Variants in DNAAF11 observed in about 807,000 individuals in gnomAD.
The protein encoded by DNAAF11 is leucine rich repeat containing 6.
Under a neutral mutation model 60.8 loss-of-function variants are expected in DNAAF11, and 45 were observed. The ratio of observed to expected loss-of-function variants is 0.74; its 90% CI spans 0.58 to 0.95. DNAAF11 has a LOEUF of 0.95. Ranked by LOEUF, DNAAF11 falls within the 40% of genes least tolerant of loss-of-function variation. The pLI, the probability that DNAAF11 is intolerant of heterozygous loss-of-function variation, is 0.00. For missense variants in DNAAF11, 546 were observed against 546.2 expected (o/e 1.00, Z 0.00); for synonymous variants, 191 against 183.5 (o/e 1.04, Z -0.33).
At chr8:132,610,827 A>G (rs1419511914) in intron 9 of DNAAF11, among the ~76,000 whole-genome samples, 1 of 152,176 alleles carries the variant, frequency 6.6e-6, no homozygotes, top group Non-Finnish European at 1.5e-5. Flanking sequence ...ATACAAAACC[A>G]TGTGCTAAAA....
At chr8:132,572,628 T>C (rs1814325529) in intron 11 of DNAAF11, 148 bp from the exon 12 acceptor site, 3 of 516,092 alleles carry the variant, frequency 5.8e-6, no homozygotes, top group Non-Finnish European at 1.0e-5. Context: ...GTCCCTAGCA[T>C]CAAGAAGCTT....
chr8:132,572,426 A>G lies in DNAAF11; in HGVS notation c.1281T>C (p.Asp427=), dbSNP rs915071476. The change falls in exon 12 of 12, where the codon GAT becomes GAC. Residue 427 remains aspartate (D), a synonymous_variant. Transcript: ENST00000620350. ...TTTTCTCTTGAACTATGTTAGTCAC[A>G]TCAGGGAATGAGTGCTTGCTAGGGT... ...EVDPSKHSFP[D]VTNIVQEKKH... 5.6e-6 allele frequency: 9 copies of G among 1,612,732 alleles called. No individual in the cohort carries two copies. In the Admixed American group the frequency reaches 8.3e-5, roughly 15 times the overall value.
chr8:132,683,125 G>T, the DNAAF11 span, among the ~76,000 whole-genome samples: 1 of 152,182 alleles, frequency 6.6e-6, no homozygotes, highest in Non-Finnish European at 1.5e-5. Flanking sequence ...CTTTGATTTA[G>T]CAGCCTAAGT....
intron 4 of DNAAF11, 39 bp downstream of exon 4, chr8:132,637,896 C>T (rs764498505): frequency 8.4e-6 from 13 of 1,546,684 alleles, no homozygotes; most frequent in Non-Finnish European, 9.7e-6. Context: ...TGCTCATGCT[C>T]ATTTATCTGT....
chr8:132,588,282 T>C (rs1452108703), intron 10 of DNAAF11, among the ~76,000 whole-genome samples: 2 of 152,238 alleles, frequency 1.3e-5, no homozygotes, highest in Admixed American at 6.5e-5. Context: ...TAATCAGGAA[T>C]ACTTGTTAAG....
the DNAAF11 span, among the ~76,000 whole-genome samples, chr8:132,699,780 C>A: frequency 6.6e-6 from 1 of 152,130 alleles, no homozygotes; most frequent in Admixed American, 6.5e-5. Flanking sequence ...GAAAGAAGTG[C>A]TAATACATGC....
intron 10 of DNAAF11, among the ~76,000 whole-genome samples, chr8:132,595,173 G>C (rs1816859828): frequency 6.6e-6 from 1 of 151,972 alleles, no homozygotes; most frequent in Non-Finnish European, 1.5e-5. Context: ...AACAGAGAAA[G>C]GGGCAGAAAT....
intron 3 of DNAAF11, among the ~76,000 whole-genome samples, chr8:132,646,731 T>C (rs1046159397): frequency 6.6e-6 from 1 of 151,828 alleles, no homozygotes; most frequent in Non-Finnish European, 1.5e-5. Context: ...CCAACAAAGA[T>C]CAAAAGAGAC....
intron 1 of DNAAF11, among the ~76,000 whole-genome samples, chr8:132,667,070 G>C (rs113972187): frequency 6.6e-6 from 1 of 152,168 alleles, no homozygotes; most frequent in African/African-American, 2.4e-5. Flanking sequence ...ATATAAAAAA[G>C]CTAGGCAAGT....
rs1445408436 is a variant in DNAAF11, at chr8:132,632,866, T to G, written c.527A>C (p.His176Pro). The change falls in exon 5 of 12, where the codon CAC becomes CCC. Residue 176 changes from histidine (H) to proline (P), a missense_variant. Transcript: ENST00000620350. Reference sequence around the variant, plus strand: ...CTTGAGTTTGGCTCGTTTAAGACAGTGATCTTTTTCCTGCTCTCTGATTTG... The same window carrying G: ...CTTGAGTTTGGCTCGTTTAAGACAGGGATCTTTTTCCTGCTCTCTGATTTG... ...EPQIREQEKD[H>P]CLKRAKLKEE... 38 of 1,613,758 alleles carry G rather than the reference T, an allele frequency of 2.4e-5. No homozygotes were observed. The highest frequency in any genetic ancestry group is 3.2e-5 in the Non-Finnish European group (38 of 1,179,678).
intron 10 of DNAAF11, among the ~76,000 whole-genome samples, 198 bp from the exon 11 acceptor site, chr8:132,583,977 C>T (rs562718736): frequency 1.7e-4 from 26 of 152,178 alleles, no homozygotes; most frequent in Non-Finnish European, 2.6e-4. Flanking sequence ...GCAAGAGTCT[C>T]GCGAAGCCAC....
chr8:132,680,253 T>A (rs191969709), upstream of DNAAF11, among the ~76,000 whole-genome samples: 3 of 152,360 alleles, frequency 2.0e-5, no homozygotes, highest in Admixed American at 2.0e-4. Context: ...TTTATGCAAA[T>A]CATTGTTCCA....
At chr8:132,677,297 A>G (rs748835468), upstream of DNAAF11, among the ~76,000 whole-genome samples, 1 of 152,226 alleles carries the variant, frequency 6.6e-6, no homozygotes, top group Non-Finnish European at 1.5e-5. Context: ...ACTACTGGGC[A>G]GAAAGATTAG....
rs1241163844 is a variant in DNAAF11, at chr8:132,618,141, C to T, written c.915-3044G>A. Among the ~76,000 whole-genome samples, 21 of 152,000 alleles carry T rather than the reference C, an allele frequency of 1.4e-4. 1 individual carries two copies. The South Asian group carries it at 2.1e-3, about 15-fold the overall frequency. Reference sequence around the variant, plus strand: ...AGAACAGAGCCCTCAGAAACAATGCCGCATATCTACAACTATCTGATCTTT... The same window carrying T: ...AGAACAGAGCCCTCAGAAACAATGCTGCATATCTACAACTATCTGATCTTT... On this transcript the variant is annotated intron_variant, in intron 7 of 11. Transcript: ENST00000620350.
At chr8:132,678,119 CTT>C (rs58660926), upstream of DNAAF11, among the ~76,000 whole-genome samples, 24,734 of 152,020 alleles carry the variant, frequency 0.16, 5,641 homozygotes, top group African/African-American at 0.51. Flanking sequence ...AGAAAATAAA[CTT>C]TCTATCTGAG....
chr8:132,675,327 C>T (rs1385292107), intron 1 of DNAAF11, 157 bp downstream of exon 1: 3 of 708,906 alleles, frequency 4.2e-6, no homozygotes, highest in Non-Finnish European at 6.9e-6. Context: ...CCTGGTGCAG[C>T]CGGGGCTGCG....
intron 2 of DNAAF11, among the ~76,000 whole-genome samples, chr8:132,658,535 A>G (rs1208726274): frequency 6.6e-6 from 1 of 152,040 alleles, no homozygotes; most frequent in Admixed American, 6.5e-5. Flanking sequence ...GTTAGCCAGG[A>G]TGGTCTCGAT....
chr8:132,700,182 T>C, the DNAAF11 span, among the ~76,000 whole-genome samples: 231 of 152,308 alleles, frequency 1.5e-3, no homozygotes, highest in Non-Finnish European at 2.5e-3. Flanking sequence ...TTCTTTTTTG[T>C]AGCAAGCAAG....
intron 3 of DNAAF11, among the ~76,000 whole-genome samples, chr8:132,644,072 A>G (rs1218363079): frequency 6.6e-6 from 1 of 152,192 alleles, no homozygotes; most frequent in East Asian, 1.9e-4. Context: ...ATTTCTATTA[A>G]ATTAATAAAA....
Sources: allele counts gnomAD v4.1 joint callset (sites outside exome capture counted in the v4.1 genomes callset), GRCh38; gene constraint gnomAD v4.1.1; transcripts MANE v1.5; gene names NCBI Gene and HGNC (gene_info 2026-07-23, HGNC 2026-07-21).